TEAD1: variants seen among roughly 807,000 people sequenced by gnomAD.
The protein encoded by TEAD1 is transcriptional enhancer factor TEF-1.
TEAD1 carries 9 observed loss-of-function variants against 54.9 expected under a neutral mutation model. The ratio of observed to expected loss-of-function variants is 0.16; its 90% confidence interval spans 0.10 to 0.29. The LOEUF (loss-of-function observed/expected upper bound fraction) is 0.29, where lower values mean the gene tolerates loss of function less well. Among genes scored for constraint, TEAD1 ranks in the 10% least tolerant of loss-of-function variants. TEAD1 has a pLI of 1.00. For missense variants in TEAD1, 387 were observed against 535.9 expected (o/e 0.72, Z 2.74); for synonymous variants, 200 against 187.8 (o/e 1.07, Z -0.53).
intron 4 of TEAD1, 123 bp from the exon 5 acceptor site, chr11:12,864,711 CAAGA>C: frequency 6.3e-7 from 1 of 1,593,870 alleles, no homozygotes; most frequent in Non-Finnish European, 8.5e-7. Flanking sequence ...CAGGTCTTAG[CAAGA>C]AAGAAAGTTC....
At chr11:12,735,263 C>G (rs1378960504) in intron 2 of TEAD1, among the ~76,000 whole-genome samples, 1 of 152,190 alleles carries the variant, frequency 6.6e-6, no homozygotes, top group African/African-American at 2.4e-5. Context: ...TAGATTCTGT[C>G]TTCCTCTTAT....
At chr11:12,748,949 C>G (rs1944808492) in intron 2 of TEAD1, among the ~76,000 whole-genome samples, 1 of 152,024 alleles carries the variant, frequency 6.6e-6, no homozygotes. Context: ...AATGGCCCTC[C>G]TTTTGGGTTA....
chr11:12,868,583 C>G lies in TEAD1; in HGVS notation c.330+3683C>G, dbSNP rs147165904. Among the ~76,000 whole-genome samples the G allele has an allele frequency of 5.8e-3, 889 of 152,310 alleles. 4 individuals carry two copies. The highest frequency in any genetic ancestry group is 0.01 in the Non-Finnish European group (706 of 68,034). ...TCTAAAGGTCAGCTTTATGCTTCTACTAATTGGCAGTTGTTCTCAATGTGC... is the reference window on the plus strand; with the variant it reads ...TCTAAAGGTCAGCTTTATGCTTCTAGTAATTGGCAGTTGTTCTCAATGTGC... On this transcript the variant is annotated intron_variant, in intron 5 of 12. Coordinates refer to ENST00000527636, the MANE Select transcript of TEAD1 (RefSeq NM_021961.6).
intron 9 of TEAD1, among the ~76,000 whole-genome samples, chr11:12,897,747 T>C (rs1948341348): frequency 6.6e-6 from 1 of 152,236 alleles, no homozygotes; most frequent in Non-Finnish European, 1.5e-5. Flanking sequence ...TTGTGAATCA[T>C]GTTTGTCACT....
intron 10 of TEAD1, among the ~76,000 whole-genome samples, chr11:12,905,293 C>T (rs1948498912): frequency 6.6e-6 from 1 of 152,046 alleles, no homozygotes; most frequent in South Asian, 2.1e-4. Context: ...CCTCAAATAA[C>T]AAAGTCTAGA....
intron 3 of TEAD1, among the ~76,000 whole-genome samples, chr11:12,845,376 A>C (rs1487385332): frequency 2.6e-5 from 4 of 152,192 alleles, no homozygotes. Context: ...CTTTCAAAGC[A>C]CTATCGTGTG....
rs771743451 is a variant in TEAD1 at position 12,764,331 on chromosome 11, G to A, written c.99G>A (p.Gly33=). 2 of 1,614,084 alleles carry A rather than the reference G, an allele frequency of 1.2e-6. No individual in the cohort carries two copies. Among genetic ancestry groups the A allele is most frequent in the African/African-American group, 1.3e-5 (1 of 74,922 alleles). ...AGCCAATTGACAATGATGCAGAAGG[G>A]GTCTGGAGCCCCGACATCGAGCAAA... The change falls in exon 3 of 13, where the codon GGG becomes GGA. Residue 33 remains glycine, a synonymous_variant. Coordinates refer to ENST00000527636, the MANE Select transcript of TEAD1 (RefSeq NM_021961.6).
intron 2 of TEAD1, among the ~76,000 whole-genome samples, chr11:12,685,307 G>A (rs549069785): frequency 6.6e-6 from 1 of 152,338 alleles, no homozygotes; most frequent in Non-Finnish European, 1.5e-5. Flanking sequence ...CAGGCAGGCT[G>A]ACAGTGGATG....
chr11:12,939,359 C>CCT lies in TEAD1; in HGVS notation c.*2141_*2142dup, dbSNP rs1415090263. The CCT allele has an allele frequency of 1.3e-5, 2 of 152,314 alleles. No individual in the cohort carries two copies. Among genetic ancestry groups the CCT allele is most frequent in the Non-Finnish European group, 2.9e-5 (2 of 68,126 alleles). The allele number at this position is 152,314 out of a possible 1,614,324, so 9.4% of individuals were successfully genotyped here. A position where few individuals can be genotyped will look rare whatever the true frequency, so the allele number is the denominator to read the frequency against. ...CATCTTTCCTTAAGGGAAGCCCCAT[C>CCT]CTCTCCCAGGACCAGGAGTTTATGA... On this transcript the variant is annotated 3_prime_UTR_variant, in exon 13 of 13. Transcript: ENST00000527636.
chr11:12,824,059 T>C (rs528462283), intron 3 of TEAD1, among the ~76,000 whole-genome samples: 4 of 152,338 alleles, frequency 2.6e-5, no homozygotes, highest in African/African-American at 9.6e-5. Context: ...ACTCTAGTTC[T>C]GTCTGCATTT....
rs751163442 is a variant in TEAD1 at position 12,901,936 on chromosome 11, A to G, written c.700-4A>G. 1 of 1,614,188 alleles carries G rather than the reference A, an allele frequency of 6.2e-7. No homozygotes were observed. The highest frequency in any genetic ancestry group is 8.5e-7 in the Non-Finnish European group (1 of 1,180,034). ...ATGGGAATGTTTCTGTTGGTTTCTT[A>G]CAGTACAACAAACACCTCTTCGTGC... On this transcript the variant is annotated splice_polypyrimidine_tract_variant and splice_region_variant and intron_variant, in intron 9 of 12. Coordinates refer to ENST00000527636, the MANE Select transcript of TEAD1 (RefSeq NM_021961.6).
intron 2 of TEAD1, among the ~76,000 whole-genome samples, chr11:12,718,292 C>G (rs1944106498): frequency 6.6e-6 from 1 of 152,152 alleles, no homozygotes; most frequent in Non-Finnish European, 1.5e-5. Context: ...GGACCTCTGG[C>G]AGGTCCCTAG....
At chr11:12,846,239 C>A (rs192631823) in intron 3 of TEAD1, among the ~76,000 whole-genome samples, 2 of 151,804 alleles carry the variant, frequency 1.3e-5, no homozygotes, top group African/African-American at 4.8e-5. Flanking sequence ...GAGTGGAGCC[C>A]GCCCTCCCCC....
chr11:12,886,024 A>T (rs931422752), intron 9 of TEAD1, among the ~76,000 whole-genome samples: 1 of 152,236 alleles, frequency 6.6e-6, no homozygotes, highest in African/African-American at 2.4e-5. Flanking sequence ...TCTAGGAAGG[A>T]AGAATACTGA....
At chr11:12,901,571 A>C (rs192300864) in intron 9 of TEAD1, among the ~76,000 whole-genome samples, 2 of 152,320 alleles carry the variant, frequency 1.3e-5, no homozygotes. Flanking sequence ...AACTGCACAC[A>C]GATTTCTTAT....
chr11:12,725,341 A>C (rs946049585), intron 2 of TEAD1, among the ~76,000 whole-genome samples: 5 of 152,336 alleles, frequency 3.3e-5, no homozygotes, highest in Admixed American at 3.3e-4. Flanking sequence ...TAAGGACAAA[A>C]TGAAACTTTT....
chr11:12,750,963 G>C (rs58044206), intron 2 of TEAD1, among the ~76,000 whole-genome samples: 17,327 of 152,130 alleles, frequency 0.11, 3,364 homozygotes, highest in African/African-American at 0.4. Flanking sequence ...ATTCAGTCCT[G>C]TTTTTTGGGG....
chr11:12,881,944 A>G lies in TEAD1; in HGVS notation c.561A>G (p.Thr187=). The G allele has an allele frequency of 1.2e-6, 2 of 1,614,208 alleles. No homozygotes were observed. The highest frequency in any genetic ancestry group is 1.1e-5 in the South Asian group (1 of 91,082). ...CCTACCCCATCCAGCCAGCGGTCAC[A>G]GCCCCCATTCCAGGTGAGTGTCCCT... The change falls in exon 8 of 13, where the codon ACA becomes ACG. Residue 187 remains threonine (T), a synonymous_variant. Transcript: ENST00000527636.
intron 3 of TEAD1, among the ~76,000 whole-genome samples, chr11:12,791,851 T>G (rs1329674194): frequency 2.0e-5 from 3 of 152,190 alleles, no homozygotes; most frequent in Non-Finnish European, 4.4e-5. Context: ...GCAGCCCTAT[T>G]TATTTGTAGA....
Sources: allele counts gnomAD v4.1 joint callset (sites outside exome capture counted in the v4.1 genomes callset), GRCh38; gene constraint gnomAD v4.1.1; transcripts MANE v1.5; gene names NCBI Gene and HGNC (gene_info 2026-07-23, HGNC 2026-07-21).